PCCA: variants seen among roughly 807,000 people sequenced by gnomAD.
The protein encoded by PCCA is propionyl-CoA carboxylase subunit alpha.
Under a neutral mutation model 101.3 loss-of-function variants are expected in PCCA, and 74 were observed. That is an observed-to-expected ratio of 0.73 (90% CI 0.61 to 0.89). The LOEUF (loss-of-function observed/expected upper bound fraction) is 0.89. Ranked by LOEUF, PCCA falls within the 40% of genes least tolerant of loss-of-function variation. PCCA has a pLI of 0.00. For synonymous variants in PCCA, 294 were observed against 313.6 expected (o/e 0.94, Z 0.66); for missense variants, 891 against 907.0 (o/e 0.98, Z 0.23).
Position 100,307,101 on chromosome 13 carries a change from A to G in PCCA, c.1285-91A>G, listed in dbSNP as rs2066510169. 4.9e-6 allele frequency: 4 copies of G among 813,770 alleles called. No homozygotes were observed. The East Asian group carries it at 1.0e-4, about 21-fold the overall frequency. The allele number at this position is 813,770 out of a possible 1,614,324, so 50.4% of individuals were successfully genotyped here. Reference sequence around the variant, plus strand: ...ATGTTATTTGAGATTGAAATTCTCTATCCATTTTCTCCATGGAAATGAAAT... The same window carrying G: ...ATGTTATTTGAGATTGAAATTCTCTGTCCATTTTCTCCATGGAAATGAAAT... On this transcript the variant is annotated intron_variant, in intron 14 of 23. Coordinates refer to ENST00000376285, the MANE Select transcript of PCCA (RefSeq NM_000282.4).
intron 21 of PCCA, among the ~76,000 whole-genome samples, chr13:100,492,055 T>G (rs1390420672): frequency 6.6e-6 from 1 of 152,146 alleles, no homozygotes; most frequent in Non-Finnish European, 1.5e-5. Context: ...GGAGAGGAGA[T>G]GGTTCAATAT....
intron 22 of PCCA, among the ~76,000 whole-genome samples, chr13:100,524,687 T>C (rs2087602357): frequency 1.3e-5 from 2 of 152,024 alleles, no homozygotes; most frequent in Non-Finnish European, 2.9e-5. Flanking sequence ...GCCTGGCCAA[T>C]GTGGTAATAC....
chr13:100,453,759 A>C (rs1363394468), intron 21 of PCCA, among the ~76,000 whole-genome samples: 1 of 152,174 alleles, frequency 6.6e-6, no homozygotes, highest in African/African-American at 2.4e-5. Context: ...CTAGCATAAA[A>C]AAACACAAGA....
chr13:100,334,756 G>A (rs1566951693), intron 17 of PCCA, among the ~76,000 whole-genome samples: 1 of 151,974 alleles, frequency 6.6e-6, no homozygotes, highest in Non-Finnish European at 1.5e-5. Flanking sequence ...GAAATCATGT[G>A]GAAAATGATG....
chr13:100,481,107 G>A (rs1682182918), intron 21 of PCCA: 1 of 152,164 alleles, frequency 6.6e-6, no homozygotes, highest in Non-Finnish European at 1.5e-5. Flanking sequence ...ATGGATAGAA[G>A]ATTGATTCTT....
chr13:100,423,773 A>G (rs147773811), intron 19 of PCCA, among the ~76,000 whole-genome samples: 76 of 152,308 alleles, frequency 5.0e-4, no homozygotes, highest in African/African-American at 1.8e-3. Context: ...GTTTTCTTCT[A>G]TCCCCAGCTT....
chr13:100,401,236 T>C (rs766275959), intron 19 of PCCA, among the ~76,000 whole-genome samples: 1 of 152,096 alleles, frequency 6.6e-6, no homozygotes, highest in Non-Finnish European at 1.5e-5. Context: ...TTTTTTGTTG[T>C]TGTTGCTTGT....
intron 19 of PCCA, among the ~76,000 whole-genome samples, chr13:100,406,114 C>G (rs2077663032): frequency 6.6e-6 from 1 of 152,130 alleles, no homozygotes; most frequent in Non-Finnish European, 1.5e-5. Flanking sequence ...TTTACAGGGA[C>G]TGCGTAGACA....
chr13:100,162,437 A>G lies in PCCA; in HGVS notation c.468+5097A>G, dbSNP rs192965342. ...AGAGAGTATGGATCCGTTGTTTAGT[A>G]TATGTTCCAGACTGACTCTCAGATG... On this transcript the variant is annotated intron_variant, in intron 6 of 23. Transcript: ENST00000376285. Among the ~76,000 whole-genome samples, 473 of 152,242 alleles carry G rather than the reference A, an allele frequency of 3.1e-3. 6 individuals are homozygous for G. Among genetic ancestry groups the G allele is most frequent in the South Asian group, 7.3e-3 (35 of 4,824 alleles).
intron 4 of PCCA, chr13:100,150,912 A>G (rs1299490860): frequency 6.5e-7 from 1 of 1,548,932 alleles, no homozygotes; most frequent in Non-Finnish European, 8.9e-7. Flanking sequence ...CGAATCCTAT[A>G]TATAACGTAA....
At chr13:100,137,058 T>TTA (rs1388870568) in intron 4 of PCCA, among the ~76,000 whole-genome samples, 3 of 151,990 alleles carry the variant, frequency 2.0e-5, no homozygotes, top group African/African-American at 7.2e-5. Context: ...ATATTTTTTT[T>TTA]TATATATTGT....
rs866912195 is a variant in PCCA, at chr13:100,162,575, C to T, written c.468+5235C>T. Reference sequence around the variant, plus strand: ...TCTCTTTCTGCTTCCTTCCCCTCTTCCCCATTGGTGTATCATCATAGAGAT... The same window carrying T: ...TCTCTTTCTGCTTCCTTCCCCTCTTTCCCATTGGTGTATCATCATAGAGAT... On this transcript the variant is annotated intron_variant, in intron 6 of 23. Transcript: ENST00000376285. Among the ~76,000 whole-genome samples, 2 of 152,302 alleles carry T rather than the reference C, an allele frequency of 1.3e-5. 1 individual carries two copies. The highest frequency in any genetic ancestry group is 4.2e-4 in the South Asian group (2 of 4,816).
intron 12 of PCCA, among the ~76,000 whole-genome samples, chr13:100,274,540 G>A (rs1395222054): frequency 6.6e-6 from 1 of 152,128 alleles, no homozygotes; most frequent in Non-Finnish European, 1.5e-5. Context: ...AGCCGAGTGG[G>A]TTCCTTCCTG....
At chr13:100,221,504 A>G (rs933523443) in intron 7 of PCCA, among the ~76,000 whole-genome samples, 5 of 152,196 alleles carry the variant, frequency 3.3e-5, no homozygotes, top group African/African-American at 1.2e-4. Flanking sequence ...CCTCTGTTCT[A>G]GTAAATTTGG....
chr13:100,274,923 A>C (rs2063537831), intron 12 of PCCA, among the ~76,000 whole-genome samples: 1 of 151,802 alleles, frequency 6.6e-6, no homozygotes, highest in African/African-American at 2.4e-5. Context: ...CTTGCCTAGG[A>C]CTGGGGTGGG....
intron 6 of PCCA, among the ~76,000 whole-genome samples, chr13:100,165,407 T>G (rs7335573): frequency 0.33 from 50,700 of 151,990 alleles, 9,367 homozygotes; most frequent in East Asian, 0.71. Flanking sequence ...AGGTTTAATT[T>G]GACAGTATCT....
chr13:100,321,469 A>G (rs1257586264), intron 16 of PCCA, among the ~76,000 whole-genome samples: 1 of 152,106 alleles, frequency 6.6e-6, no homozygotes, highest in Non-Finnish European at 1.5e-5. Context: ...TATGTTTCTC[A>G]TTAAAAAAAC....
chr13:100,370,438 G>T (rs1251854665), intron 19 of PCCA, among the ~76,000 whole-genome samples: 1 of 152,064 alleles, frequency 6.6e-6, no homozygotes, highest in Non-Finnish European at 1.5e-5. Context: ...TGCATACGTG[G>T]TATCTTTCAA....
chr13:100,496,804 A>C (rs936590334), intron 21 of PCCA, among the ~76,000 whole-genome samples: 8 of 152,190 alleles, frequency 5.3e-5, no homozygotes, highest in Admixed American at 5.2e-4. Context: ...TGACACCTCA[A>C]CTGTGACTTA....
Sources: gnomAD v4.1 joint callset for allele counts (sites outside exome capture counted in the v4.1 genomes callset) on GRCh38, gnomAD v4.1.1 for gene constraint, MANE v1.5 for transcripts, NCBI Gene and HGNC (gene_info 2026-07-23, HGNC 2026-07-21) for gene names.